Variants in TRAPPC9 observed in about 807,000 individuals in gnomAD.
TRAPPC9 encodes IKK2 binding protein.
A neutral mutation model predicts 124.0 loss-of-function variants in TRAPPC9; 83 were observed. The observed-to-expected ratio is 0.67, with a 90% CI of 0.56 to 0.80. TRAPPC9 has a LOEUF of 0.80. TRAPPC9 is among the 30% of genes least tolerant of loss of function. The pLI is 0.00. For missense variants in TRAPPC9, 1,302 were observed against 1,508.3 expected, an observed-to-expected ratio of 0.86 and a Z score of 2.27; for synonymous variants, 638 against 617.5, an observed-to-expected ratio of 1.03 and a Z score of -0.49.
chr8:140,105,406 C>A (rs2060646082), intron 17 of TRAPPC9, among the ~76,000 whole-genome samples: 1 of 152,220 alleles, frequency 6.6e-6, no homozygotes, highest in South Asian at 2.1e-4. Context: ...TCGGATGGTT[C>A]CTTCCTGGCC....
In TRAPPC9 at chr8:139,988,815, G is replaced by A. The variant is rs1238771806; in HGVS notation, c.2721C>T (p.Leu907=). ...GCTCGGTGGAGTTGAAGACATCCAGGAGCAGGTGACACTGCCGGGTACTGC... is the reference window on the plus strand; with the variant it reads ...GCTCGGTGGAGTTGAAGACATCCAGAAGCAGGTGACACTGCCGGGTACTGC... ...PATSTRQCHL[L]LDVFNSTEHE... is the part of the protein sequence containing the mutation. Residue 907 remains leucine (L), a synonymous_variant, in exon 19 of 23, where the codon CTC becomes CTT. Transcript: ENST00000438773. The A allele has an allele frequency of 4.5e-6, 7 of 1,551,392 alleles. No homozygotes were observed. The highest frequency in any genetic ancestry group is 1.2e-5 in the South Asian group (1 of 84,040).
intron 17 of TRAPPC9, among the ~76,000 whole-genome samples, chr8:140,074,965 G>A (rs1843417367): frequency 6.6e-6 from 1 of 152,106 alleles, no homozygotes; most frequent in Non-Finnish European, 1.5e-5. Context: ...TTTTTTAGAT[G>A]AGGGGACTGG....
At chr8:139,833,489 G>A (rs1275627739) in intron 21 of TRAPPC9, among the ~76,000 whole-genome samples, 3 of 152,218 alleles carry the variant, frequency 2.0e-5, no homozygotes, top group Admixed American at 6.5e-5. Context: ...AGCTGGTCAC[G>A]AAGAATCCGG....
At chr8:140,330,277 C>A (rs1349407620) in intron 9 of TRAPPC9, among the ~76,000 whole-genome samples, 1 of 152,078 alleles carries the variant, frequency 6.6e-6, no homozygotes, top group Admixed American at 6.6e-5. Context: ...ATCCAGGTAG[C>A]ATAATGGTCT....
chr8:140,407,135 G>A (rs1260690563), intron 5 of TRAPPC9, among the ~76,000 whole-genome samples: 1 of 152,302 alleles, frequency 6.6e-6, no homozygotes, highest in East Asian at 1.9e-4. Context: ...TATTCTTAGT[G>A]TACCCCATCT....
At chr8:139,947,888 A>AGG (rs1554678271) in intron 19 of TRAPPC9, among the ~76,000 whole-genome samples, 1 of 65,956 alleles carries the variant, frequency 1.5e-5, no homozygotes, top group African/African-American at 5.3e-5. Flanking sequence ...AAAAAGAAAT[A>AGG]TGTGTGTATA....
chr8:139,748,563 G>T (rs1819110209), intron 21 of TRAPPC9, among the ~76,000 whole-genome samples: 2 of 148,722 alleles, frequency 1.3e-5, no homozygotes, highest in South Asian at 4.2e-4. Context: ...GTGGAGATTT[G>T]CAGGTGTCAG....
chr8:139,864,703 C>G (rs186547335), intron 21 of TRAPPC9, among the ~76,000 whole-genome samples: 148 of 118,354 alleles, frequency 1.3e-3, no homozygotes, highest in African/African-American at 3.4e-3. Flanking sequence ...CGCCAGCAAG[C>G]CCTGCAGGGC....
At chr8:139,973,721 T>C (rs1202833867) in intron 19 of TRAPPC9, among the ~76,000 whole-genome samples, 2 of 152,156 alleles carry the variant, frequency 1.3e-5, no homozygotes, top group Admixed American at 6.5e-5. Flanking sequence ...TCGAAGGCGG[T>C]ACTGAGAAAG....
intron 15 of TRAPPC9, among the ~76,000 whole-genome samples, chr8:140,275,046 C>T (rs1359348569): frequency 6.6e-6 from 1 of 152,140 alleles, no homozygotes; most frequent in Non-Finnish European, 1.5e-5. Context: ...CAATACATTC[C>T]CCTTTGATCA....
At position 140,005,873 on chromosome 8, in the gene TRAPPC9, T is replaced by C. The variant is rs116155603; in HGVS notation, c.2700-17037A>G. On this transcript the variant is annotated intron_variant, in intron 18 of 22. Coordinates refer to ENST00000438773, the MANE Select transcript of TRAPPC9 (RefSeq NM_001160372.4). ...GCTGCAGTGAGCCATGATCACACCA[T>C]TGTACTCCAGTCTGGGTGACGGTAA... is the stretch of plus-strand genomic sequence containing the variant. Among the ~76,000 whole-genome samples the C allele has an allele frequency of 3.8e-4, 57 of 149,388 alleles. No homozygotes were observed. In the East Asian group the frequency reaches 7.7e-3, roughly 20 times the overall value.
At chr8:140,274,178 T>C (rs2065045746) in intron 15 of TRAPPC9, among the ~76,000 whole-genome samples, 1 of 152,066 alleles carries the variant, frequency 6.6e-6, no homozygotes. Flanking sequence ...AAAAATACAC[T>C]TGTTATTCCA....
intron 7 of TRAPPC9, among the ~76,000 whole-genome samples, chr8:140,375,293 G>A (rs1282644537): frequency 6.6e-6 from 1 of 152,202 alleles, no homozygotes; most frequent in Non-Finnish European, 1.5e-5. Flanking sequence ...CGAAGTCCAA[G>A]TTCAGGGCCC....
chr8:140,243,289 A>T lies in TRAPPC9; in HGVS notation c.2431+9488T>A, dbSNP rs2063907144. Among the ~76,000 whole-genome samples the T allele has an allele frequency of 2.0e-5, 3 of 152,372 alleles. No homozygotes were observed. The South Asian group carries it at 6.2e-4, about 32-fold the overall frequency. On this transcript the variant is annotated intron_variant, in intron 16 of 22. Coordinates refer to ENST00000438773, the MANE Select transcript of TRAPPC9 (RefSeq NM_001160372.4). ...TCACCTCTGATGAGAGGAGGAGCCC[A>T]TCTTCCTCTACAACGAAACAGATGG... is the stretch of plus-strand genomic sequence containing the variant.
chr8:140,212,012 C>A (rs2063073571), intron 17 of TRAPPC9, among the ~76,000 whole-genome samples: 2 of 152,236 alleles, frequency 1.3e-5, no homozygotes, highest in Admixed American at 6.5e-5. Flanking sequence ...GAAGGCTCAG[C>A]AGACCAGGTG....
chr8:140,101,532 C>CTTTTTTTTTTTTTTTTT (rs1234280796), intron 17 of TRAPPC9, among the ~76,000 whole-genome samples: 2 of 78,724 alleles, frequency 2.5e-5, no homozygotes, highest in African/African-American at 6.4e-5. Context: ...GTAGGGTTTT[C>CTTTTTTTTTTTTTTTTT]TTTTTTTTGT....
In TRAPPC9 at chr8:139,984,324, G is replaced by A. The variant is rs1422587244; in HGVS notation, c.2810+4402C>T. Among the ~76,000 whole-genome samples, 2 of 152,180 alleles carry A rather than the reference G, an allele frequency of 1.3e-5. No homozygotes were observed. Among genetic ancestry groups the A allele is most frequent in the African/African-American group, 2.4e-5 (1 of 41,440 alleles). ...GAGAGCACCACCTTCCGCTCCTGCTGGTAGCGATGAAGCTGGAGTCTCAGC... is the reference window on the plus strand; with the variant it reads ...GAGAGCACCACCTTCCGCTCCTGCTAGTAGCGATGAAGCTGGAGTCTCAGC... On this transcript the variant is annotated intron_variant, in intron 19 of 22. Coordinates refer to ENST00000438773, the MANE Select transcript of TRAPPC9 (RefSeq NM_001160372.4). This position sits in a 1 kb window ranked among gnomAD's most constrained non-coding sequence, Gnocchi z 4.3.
chr8:139,979,764 G>T (rs1238694953), intron 19 of TRAPPC9, among the ~76,000 whole-genome samples: 1 of 152,172 alleles, frequency 6.6e-6, no homozygotes, highest in African/African-American at 2.4e-5. Flanking sequence ...GAGACCCACA[G>T]CGTCGAGGAC....
chr8:139,835,455 C>T (rs750714628), intron 21 of TRAPPC9, among the ~76,000 whole-genome samples: 54 of 152,358 alleles, frequency 3.5e-4, no homozygotes, highest in Admixed American at 5.2e-4. Context: ...ACTGTGATGG[C>T]GCGCACGTTC....
Sources: gnomAD v4.1 joint callset for allele counts (sites outside exome capture counted in the v4.1 genomes callset) on GRCh38, gnomAD v4.1.1 for gene constraint, Gnocchi (gnomAD v3.1) non-coding constraint, MANE v1.5 for transcripts, NCBI Gene and HGNC (gene_info 2026-07-23, HGNC 2026-07-21) for gene names.